Variants in ROPN1L observed in about 807,000 individuals in gnomAD.
ROPN1L encodes the protein rhophilin associated tail protein 1 like, also known as ropporin-1-like protein.
A neutral mutation model predicts 22.7 loss-of-function variants in ROPN1L; 23 were observed. The ratio of observed to expected loss-of-function variants is 1.01; its 90% CI spans 0.73 to 1.43. The LOEUF (loss-of-function observed/expected upper bound fraction) is 1.43. ROPN1L is among the 40% of genes most tolerant of loss of function. The pLI is 0.00. For missense variants in ROPN1L, 271 were observed against 291.5 expected, an observed-to-expected ratio of 0.93 and a Z score of 0.51; for synonymous variants, 116 against 117.8, an observed-to-expected ratio of 0.98 and a Z score of 0.10.
At chr5:10,450,435 G>C (rs919356789) in intron 3 of ROPN1L, among the ~76,000 whole-genome samples, 1 of 152,132 alleles carries the variant, frequency 6.6e-6, no homozygotes, top group Non-Finnish European at 1.5e-5. Flanking sequence ...TAACTGTTTT[G>C]CTCATCTGTG....
downstream of ROPN1L, among the ~76,000 whole-genome samples, chr5:10,466,620 G>A (rs1055431799): frequency 6.6e-6 from 1 of 152,220 alleles, no homozygotes; most frequent in Non-Finnish European, 1.5e-5. Context: ...AGCATGAAGT[G>A]TGGAGACGCG....
downstream of ROPN1L, among the ~76,000 whole-genome samples, chr5:10,473,701 G>T (rs755850694): frequency 6.6e-6 from 1 of 152,186 alleles, no homozygotes; most frequent in Non-Finnish European, 1.5e-5. Context: ...CAAGACCTGG[G>T]TTTGGTTTTC....
At chr5:10,457,016 T>C (rs1406889029) in intron 3 of ROPN1L, among the ~76,000 whole-genome samples, 2 of 152,114 alleles carry the variant, frequency 1.3e-5, no homozygotes, top group African/African-American at 4.8e-5. Flanking sequence ...CATAACAACA[T>C]GTCTTTGAGA....
chr5:10,453,765 A>T (rs1741329821), intron 3 of ROPN1L, among the ~76,000 whole-genome samples: 1 of 152,202 alleles, frequency 6.6e-6, no homozygotes, highest in South Asian at 2.1e-4. Flanking sequence ...CTCTAAAAAG[A>T]CTGGAAACCT....
chr5:10,444,940 C>T (rs568890706), intron 1 of ROPN1L, among the ~76,000 whole-genome samples: 3 of 152,070 alleles, frequency 2.0e-5, no homozygotes, highest in East Asian at 1.9e-4. Context: ...AGGAACTTTC[C>T]GAATGTACCA....
chr5:10,469,019 G>A (rs370625945), downstream of ROPN1L, among the ~76,000 whole-genome samples: 6 of 152,272 alleles, frequency 3.9e-5, no homozygotes, highest in East Asian at 9.7e-4. Flanking sequence ...GCCGGGCGTG[G>A]TGGCAGGCGC....
chr5:10,441,953 T>C lies in ROPN1L; in HGVS notation c.-215T>C, dbSNP rs1020765623. 25 of 559,728 alleles carry C rather than the reference T, an allele frequency of 4.5e-5. No homozygotes were observed. In the East Asian group the frequency reaches 7.7e-4, roughly 17 times the overall value. The allele number at this position is 559,728 out of a possible 1,614,324, so 34.7% of individuals were successfully genotyped here. On this transcript the variant is annotated 5_prime_UTR_variant, in exon 1 of 5. Transcript: ENST00000274134. ...TAGGGAACTGCAGGGTCTAGGGTGT[T>C]GTCGGAGTGGCAGTTGGTCCGAATT...
At chr5:10,457,656 G>A (rs1458959354) in intron 3 of ROPN1L, among the ~76,000 whole-genome samples, 2 of 152,186 alleles carry the variant, frequency 1.3e-5, no homozygotes, top group African/African-American at 4.8e-5. Flanking sequence ...GTGTTCTGTA[G>A]GGAAGGCTCA....
intron 4 of ROPN1L, 111 bp downstream of exon 4, chr5:10,461,470 A>G (rs1464917841): frequency 1.1e-5 from 10 of 893,318 alleles, no homozygotes; most frequent in Non-Finnish European, 1.6e-5. Context: ...TCTCACCACA[A>G]CAATAATCAA....
rs115721413 is a variant in ROPN1L, at chr5:10,448,438, G to A, written c.255+55G>A. The A allele has an allele frequency of 2.6e-4, 416 of 1,607,252 alleles. 2 individuals carry two copies. The African/African-American group carries it at 4.1e-3, about 16-fold the overall frequency. ...GCAGCTGGCCTGTGCTTTCCTTACC[G>A]TTCACTGTGCATTGATGACAGAGCG... On this transcript the variant is annotated intron_variant, in intron 2 of 4. Transcript: ENST00000274134.
intron 3 of ROPN1L, among the ~76,000 whole-genome samples, chr5:10,455,782 TAGAGGCTTTTAAAAACCAGTGCTCGGTC>T (rs1272068000): frequency 5.7e-4 from 78 of 137,460 alleles, no homozygotes; most frequent in South Asian, 3.5e-3. Context: ...AGTGCTGGGT[TAGAGGCTTTTAAAAACCAGTGCTCGGTC>T]AGAGGCTTTT....
the ROPN1L span, among the ~76,000 whole-genome samples, chr5:10,480,135 C>G: frequency 6.6e-6 from 1 of 152,182 alleles, no homozygotes; most frequent in Admixed American, 6.5e-5. Flanking sequence ...TTAGCTTCCA[C>G]AAGGGCAGAT....
chr5:10,477,405 A>G, the ROPN1L span, among the ~76,000 whole-genome samples: 1 of 152,196 alleles, frequency 6.6e-6, no homozygotes, highest in Non-Finnish European at 1.5e-5. Context: ...TTCACACTGT[A>G]TAGATGAAGA....
intron 4 of ROPN1L, among the ~76,000 whole-genome samples, chr5:10,461,935 G>T (rs1327284451): frequency 6.6e-6 from 1 of 152,164 alleles, no homozygotes; most frequent in African/African-American, 2.4e-5. Flanking sequence ...CTCCCTGCCC[G>T]CAAATGAGCT....
At chr5:10,476,134 G>A (rs1397165707), downstream of ROPN1L, among the ~76,000 whole-genome samples, 1 of 152,266 alleles carries the variant, frequency 6.6e-6, no homozygotes, top group African/African-American at 2.4e-5. Flanking sequence ...GAATTGCACA[G>A]CAGGCTGCGA....
At chr5:10,458,438 C>T (rs148787433) in intron 3 of ROPN1L, among the ~76,000 whole-genome samples, 21 of 149,342 alleles carry the variant, frequency 1.4e-4, no homozygotes, top group Non-Finnish European at 2.8e-4. Flanking sequence ...ACCATCCCCC[C>T]GTGTATACCA....
At chr5:10,468,398 T>G (rs2126478786), downstream of ROPN1L, among the ~76,000 whole-genome samples, 1 of 152,360 alleles carries the variant, frequency 6.6e-6, no homozygotes, top group Middle Eastern at 3.4e-3. Context: ...GGCAGAGGGC[T>G]TCCTCTCATC....
chr5:10,463,722 T>G (rs1735094931), intron 4 of ROPN1L, among the ~76,000 whole-genome samples: 1 of 152,162 alleles, frequency 6.6e-6, no homozygotes, highest in Admixed American at 6.5e-5. Flanking sequence ...AGTGAACAGG[T>G]CACGCCCTGA....
intron 4 of ROPN1L, among the ~76,000 whole-genome samples, chr5:10,464,396 G>A (rs1407258541): frequency 6.6e-6 from 1 of 152,196 alleles, no homozygotes; most frequent in Non-Finnish European, 1.5e-5. Context: ...CCGCCATCCG[G>A]GTCATGCTGG....
Sources: allele counts gnomAD v4.1 joint callset (sites outside exome capture counted in the v4.1 genomes callset), GRCh38; gene constraint gnomAD v4.1.1; transcripts MANE v1.5; gene names NCBI Gene and HGNC (gene_info 2026-07-23, HGNC 2026-07-21).